The following KLHL14 variants were observed in gnomAD, a reference collection of about 807,000 sequenced individuals.
KLHL14 encodes the protein kelch-like protein 14.
In KLHL14, 22 loss-of-function variants were observed where a neutral mutation model predicts 64.3. The observed-to-expected ratio is 0.34, with a 90% confidence interval of 0.24 to 0.49. The LOEUF (loss-of-function observed/expected upper bound fraction) is 0.49, where lower values mean the gene tolerates loss of function less well. Ranked by LOEUF, KLHL14 falls within the 20% of genes least tolerant of loss-of-function variation. The pLI is 0.99. For missense variants in KLHL14, 661 were observed against 789.0 expected (o/e 0.84, Z 1.94); for synonymous variants, 322 against 333.4 (o/e 0.97, Z 0.37).
intron 3 of KLHL14, among the ~76,000 whole-genome samples, chr18:32,739,487 A>G (rs892266264): frequency 6.6e-6 from 1 of 152,154 alleles, no homozygotes; most frequent in East Asian, 1.9e-4. Flanking sequence ...ATATAGTCAT[A>G]GTCTAGCAGG....
chr18:32,719,239 C>A (rs202214755), intron 3 of KLHL14, among the ~76,000 whole-genome samples: 1 of 152,250 alleles, frequency 6.6e-6, no homozygotes, highest in Non-Finnish European at 1.5e-5. Flanking sequence ...TAAGCCACTG[C>A]GCCCAGCTGG....
intron 4 of KLHL14, among the ~76,000 whole-genome samples, chr18:32,693,405 CACACACACAGAGAGAGAGAG>C (rs1212351188): frequency 1.7e-5 from 2 of 120,836 alleles, no homozygotes; most frequent in East Asian, 4.4e-4. Flanking sequence ...CACACACACA[CACACACACAGAGAGAGAGAG>C]AGAGAGAGAG....
intron 8 of KLHL14, among the ~76,000 whole-genome samples, chr18:32,676,130 GA>G (rs1351758296): frequency 6.6e-6 from 1 of 152,062 alleles, no homozygotes; most frequent in African/African-American, 2.4e-5. Flanking sequence ...AAAGAAAAAA[GA>G]AGTTAACGAA....
intron 3 of KLHL14, among the ~76,000 whole-genome samples, chr18:32,728,504 A>C (rs1182637530): frequency 6.6e-6 from 1 of 152,150 alleles, no homozygotes; most frequent in African/African-American, 2.4e-5. Flanking sequence ...AGGTGTAATG[A>C]GTTGAATTGT....
chr18:32,717,973 C>G (rs903277782), intron 3 of KLHL14, among the ~76,000 whole-genome samples: 1 of 152,206 alleles, frequency 6.6e-6, no homozygotes, highest in Non-Finnish European at 1.5e-5. Context: ...CTTACTTCTA[C>G]AGCCCAGTAG....
chr18:32,758,839 C>T (rs920183119), intron 2 of KLHL14, among the ~76,000 whole-genome samples: 10 of 152,118 alleles, frequency 6.6e-5, no homozygotes, highest in African/African-American at 2.4e-4. Flanking sequence ...CAAAAAAACC[C>T]ACATATTGCA....
At position 32,680,642 on chromosome 18, in the gene KLHL14, GA is replaced by G. The variant is rs1365445325; in HGVS notation, c.1239-44del. 1 of 1,541,996 alleles carries G rather than the reference GA, an allele frequency of 6.5e-7. No individual in the cohort carries two copies. The highest frequency in any genetic ancestry group is 1.9e-5 in the Admixed American group (1 of 51,544). Reference sequence around the variant, plus strand: ...CACAGTAAATCACAAGAGGAGCTGTGAAATGTTACCTTTCGAAATAAGATAA... The same window carrying G: ...CACAGTAAATCACAAGAGGAGCTGTGAATGTTACCTTTCGAAATAAGATAA... On this transcript the variant is annotated intron_variant, in intron 5 of 8. Coordinates refer to ENST00000359358, the MANE Select transcript of KLHL14 (RefSeq NM_020805.3). This position sits in a 1 kb window ranked among gnomAD's most constrained non-coding sequence, Gnocchi z 4.8.
chr18:32,757,525 C>T (rs2050288191), intron 2 of KLHL14, among the ~76,000 whole-genome samples: 1 of 152,126 alleles, frequency 6.6e-6, no homozygotes, highest in Non-Finnish European at 1.5e-5. Context: ...TTTCTTTTGA[C>T]ATGCAGTACT....
chr18:32,752,064 T>C (rs529209240), intron 2 of KLHL14, among the ~76,000 whole-genome samples: 1 of 151,870 alleles, frequency 6.6e-6, no homozygotes, highest in East Asian at 1.9e-4. Flanking sequence ...GAGGTGGAGG[T>C]TGCTGTGAGC....
chr18:32,750,219 T>C (rs1257429221), intron 2 of KLHL14, among the ~76,000 whole-genome samples: 1 of 152,080 alleles, frequency 6.6e-6, no homozygotes, highest in African/African-American at 2.4e-5. Context: ...GACCCAAACA[T>C]TTAGACCATA....
chr18:32,706,380 A>G (rs1423110422), intron 3 of KLHL14, among the ~76,000 whole-genome samples: 1 of 152,234 alleles, frequency 6.6e-6, no homozygotes, highest in African/African-American at 2.4e-5. Context: ...GAAAAGGTGA[A>G]GAACCGAAGC....
intron 2 of KLHL14, chr18:32,743,423 G>C (rs1318495533): frequency 6.6e-6 from 1 of 152,138 alleles, no homozygotes; most frequent in Non-Finnish European, 1.5e-5. Flanking sequence ...AAGGGAACAA[G>C]AGAATTCCTT....
chr18:32,693,296 T>C (rs1472082140), intron 4 of KLHL14, among the ~76,000 whole-genome samples: 1 of 151,576 alleles, frequency 6.6e-6, no homozygotes, highest in Admixed American at 6.6e-5. Flanking sequence ...CTATACTAAA[T>C]GACCTCACGT....
At chr18:32,706,605 A>T (rs952497799) in intron 3 of KLHL14, among the ~76,000 whole-genome samples, 1 of 152,190 alleles carries the variant, frequency 6.6e-6, no homozygotes, top group African/African-American at 2.4e-5. Context: ...ATACCGGGTT[A>T]TCTATGCAGG....
At chr18:32,736,646 C>T (rs987054618) in intron 3 of KLHL14, among the ~76,000 whole-genome samples, 2 of 152,096 alleles carry the variant, frequency 1.3e-5, no homozygotes, top group Non-Finnish European at 2.9e-5. Context: ...TCTGCAGCCC[C>T]ATTGCTTACT....
intron 2 of KLHL14, among the ~76,000 whole-genome samples, chr18:32,757,650 T>C (rs867163983): frequency 2.6e-5 from 4 of 152,212 alleles, no homozygotes; most frequent in African/African-American, 9.6e-5. Context: ...ATTTCTTATG[T>C]GTCTTTAAGA....
chr18:32,724,007 A>G (rs1378059340), intron 3 of KLHL14, among the ~76,000 whole-genome samples: 2 of 152,212 alleles, frequency 1.3e-5, no homozygotes, highest in Non-Finnish European at 2.9e-5. Context: ...TCTGATATAT[A>G]AACACTTTTC....
In KLHL14 at chr18:32,684,410, A is replaced by G. The variant is rs535997326; in HGVS notation, c.1238+2745T>C. ...CCTAGGTAGGCTATCCTGGGACTCA[A>G]TCTGTCAGCACTGAGTGGGAAAAGG... On this transcript the variant is annotated intron_variant, in intron 5 of 8. Transcript: ENST00000359358. Among the ~76,000 whole-genome samples the G allele has an allele frequency of 1.1e-3, 164 of 152,210 alleles. 1 individual carries two copies. The highest frequency in any genetic ancestry group is 3.4e-3 in the African/African-American group (143 of 41,530).
Position 32,674,888 on chromosome 18 carries a change from G to C in KLHL14, c.1747-91C>G, listed in dbSNP as rs1269771668. 1.7e-5 allele frequency: 11 copies of C among 645,840 alleles called. No homozygotes were observed. In the South Asian group the frequency reaches 2.1e-4, roughly 12 times the overall value. 40.0% of individuals were successfully genotyped at this position (645,840 alleles called of 1,614,324 possible). A position where few individuals can be genotyped will look rare whatever the true frequency, so the allele number is the denominator to read the frequency against. Reference sequence around the variant, plus strand: ...ATCATATTTATTAATATATTGAAAAGAAAATATCTGTTCTCCATTCTTGCT... The same window carrying C: ...ATCATATTTATTAATATATTGAAAACAAAATATCTGTTCTCCATTCTTGCT... On this transcript the variant is annotated intron_variant, in intron 8 of 8. Transcript: ENST00000359358.
Sources: allele counts gnomAD v4.1 joint callset (sites outside exome capture counted in the v4.1 genomes callset), GRCh38; gene constraint gnomAD v4.1.1; non-coding constraint Gnocchi (gnomAD v3.1); transcripts MANE v1.5; gene names NCBI Gene and HGNC (gene_info 2026-07-23, HGNC 2026-07-21).